CHD6: variants seen among roughly 807,000 people sequenced by gnomAD.
The protein encoded by CHD6 is chromodomain helicase DNA binding protein 6.
In CHD6, 50 loss-of-function variants were observed where a neutral mutation model predicts 276.9. That is an observed-to-expected ratio of 0.18 (90% CI 0.14 to 0.23). CHD6 has a LOEUF of 0.23. Among genes scored for constraint, CHD6 ranks in the 10% least tolerant of loss-of-function variants. The probability of loss-of-function intolerance (pLI) is 1.00; values close to 1 mark genes in which losing one functional copy is unlikely to be tolerated. For synonymous variants in CHD6, 1,173 were observed against 1,229.3 expected (o/e 0.95, Z 0.96); for missense variants, 2,564 against 3,365.8 (o/e 0.76, Z 5.89).
chr20:41,538,601 T>C (rs1029974153), intron 2 of CHD6, among the ~76,000 whole-genome samples: 2 of 152,246 alleles, frequency 1.3e-5, no homozygotes, highest in Non-Finnish European at 2.9e-5. Flanking sequence ...ACCACAAAAT[T>C]GCACATTTTT....
In CHD6 at chr20:41,420,374, A is replaced by T. The variant is rs2145458605; in HGVS notation, c.6127+134T>A. 3.2e-6 allele frequency: 3 copies of T among 948,480 alleles called. No homozygotes were observed. The East Asian group carries it at 7.3e-5, about 23-fold the overall frequency. 58.8% of individuals were successfully genotyped at this position (948,480 alleles called of 1,614,324 possible). A position where few individuals can be genotyped will look rare whatever the true frequency, so the allele number is the denominator to read the frequency against. On this transcript the variant is annotated intron_variant, in intron 31 of 36. Transcript: ENST00000373233. ...TACTCGAATTTTCAGTCCAAGGCCTATGACCTTTGGTGAGGGTAGGCAGGT... is the reference window on the plus strand; with the variant it reads ...TACTCGAATTTTCAGTCCAAGGCCTTTGACCTTTGGTGAGGGTAGGCAGGT...
intron 18 of CHD6, 85 bp downstream of exon 18, chr20:41,457,179 C>T: frequency 6.7e-7 from 1 of 1,492,182 alleles, no homozygotes. Context: ...GAAAGTGAAC[C>T]CTTAAACAGC....
chr20:41,587,233 T>TA, intron 1 of CHD6, among the ~76,000 whole-genome samples: 1 of 152,222 alleles, frequency 6.6e-6, no homozygotes, highest in Non-Finnish European at 1.5e-5. Context: ...AAAACATACT[T>TA]AGAGAAATAC....
chr20:41,450,099 AT>A (rs2145652692), intron 23 of CHD6, among the ~76,000 whole-genome samples: 1 of 152,316 alleles, frequency 6.6e-6, no homozygotes, highest in Admixed American at 6.5e-5. Context: ...AAGGGAAAGG[AT>A]TATACTTTAT....
At chr20:41,580,158 T>A (rs2045521055) in intron 1 of CHD6, among the ~76,000 whole-genome samples, 1 of 152,194 alleles carries the variant, frequency 6.6e-6, no homozygotes, top group African/African-American at 2.4e-5. Context: ...TGCTATAAAC[T>A]ACTATTTTGA....
chr20:41,611,723 C>A (rs1163116341), intron 1 of CHD6, among the ~76,000 whole-genome samples: 1 of 152,028 alleles, frequency 6.6e-6, no homozygotes, highest in South Asian at 2.1e-4. Context: ...CTGCAACCTC[C>A]GCCTCCCCGG....
intron 10 of CHD6, 28 bp from the exon 11 acceptor site, chr20:41,491,847 G>T: frequency 6.2e-7 from 1 of 1,612,030 alleles, no homozygotes; most frequent in Non-Finnish European, 8.5e-7. Context: ...CAGCATAATA[G>T]ATAGAGAATG....
intron 2 of CHD6, 117 bp from the exon 3 acceptor site, chr20:41,533,687 C>A: frequency 3.3e-6 from 3 of 901,280 alleles, no homozygotes; most frequent in Non-Finnish European, 5.0e-6. Flanking sequence ...TTCCCACTCT[C>A]TGTTAGTTCC....
chr20:41,423,486 T>A lies in CHD6; in HGVS notation c.4555+6A>T. 1 of 1,613,030 alleles carries A rather than the reference T, an allele frequency of 6.2e-7. No homozygotes were observed. The highest frequency in any genetic ancestry group is 8.5e-7 in the Non-Finnish European group (1 of 1,178,982). On this transcript the variant is annotated splice_donor_region_variant and intron_variant, in intron 30 of 36. Transcript: ENST00000373233. ...TCATCTGACAATATACTGATAGTTTTCTCACCGCCATCTTTCCATGTGGGT... is the reference window on the plus strand; with the variant it reads ...TCATCTGACAATATACTGATAGTTTACTCACCGCCATCTTTCCATGTGGGT...
At chr20:41,437,923 C>T (rs571937121) in intron 26 of CHD6, among the ~76,000 whole-genome samples, 2 of 151,986 alleles carry the variant, frequency 1.3e-5, no homozygotes, top group African/African-American at 4.8e-5. Flanking sequence ...CTTTATTCAA[C>T]TGAGACTGCA....
intron 2 of CHD6, among the ~76,000 whole-genome samples, chr20:41,540,265 T>G (rs1254162420): frequency 6.6e-6 from 1 of 152,202 alleles, no homozygotes; most frequent in Non-Finnish European, 1.5e-5. Flanking sequence ...ATTGTACATG[T>G]AAACAGAAAT....
In CHD6 at chr20:41,425,190, T is replaced by C. The variant is rs779440221; in HGVS notation, c.4334A>G (p.Glu1445Gly). ...RTSEMDLINK[E>G]AQKRWTRREQ... ...CACTGGCTTTTACCTCTTTTGGGCT[T>C]CCTTGTTGATGAGGTCCATTTCTGA... is the stretch of plus-strand genomic sequence containing the variant. Residue 1445 changes from glutamate to glycine, a missense_variant, in exon 29 of 37, where the codon GAA (glutamate) becomes GGA (glycine). Around this residue, in one of 7 missense-constraint regions of CHD6, gnomAD observed 515 missense variants for 739.5 expected, o/e 0.70. Transcript: ENST00000373233. The C allele has an allele frequency of 3.7e-6, 6 of 1,614,104 alleles. No individual in the cohort carries two copies. The African/African-American group carries it at 6.7e-5, about 18-fold the overall frequency.
chr20:41,489,625 C>T (rs559610637), intron 12 of CHD6, among the ~76,000 whole-genome samples, 153 bp downstream of exon 12: 5 of 152,280 alleles, frequency 3.3e-5, no homozygotes, highest in African/African-American at 2.4e-5. Flanking sequence ...AACGAGCTAC[C>T]AGGGAGAGCA....
At chr20:41,428,679 G>C (rs1462589338) in intron 27 of CHD6, among the ~76,000 whole-genome samples, 1 of 152,156 alleles carries the variant, frequency 6.6e-6, no homozygotes, top group Non-Finnish European at 1.5e-5. Flanking sequence ...ACTTCAGGTG[G>C]AAAGCAGATA....
intron 33 of CHD6, among the ~76,000 whole-genome samples, chr20:41,416,263 CCCT>C: frequency 6.6e-6 from 1 of 152,234 alleles, no homozygotes; most frequent in South Asian, 2.1e-4. Context: ...GCCAGTTCCC[CCCT>C]ATCTTTGTAT....
intron 17 of CHD6, among the ~76,000 whole-genome samples, chr20:41,458,066 T>G (rs1041702310): frequency 6.6e-6 from 1 of 152,188 alleles, no homozygotes; most frequent in Non-Finnish European, 1.5e-5. Flanking sequence ...AACAGGTACC[T>G]TTATTTCCTG....
chr20:41,562,806 A>C (rs1417696015), intron 1 of CHD6, among the ~76,000 whole-genome samples: 1 of 151,972 alleles, frequency 6.6e-6, no homozygotes, highest in African/African-American at 2.4e-5. Flanking sequence ...TAAATTAGTA[A>C]ATATACTAAT....
At chr20:41,581,654 G>A (rs1372043828) in intron 1 of CHD6, among the ~76,000 whole-genome samples, 1 of 145,556 alleles carries the variant, frequency 6.9e-6, no homozygotes, top group Non-Finnish European at 1.5e-5. Flanking sequence ...CCAGCCTGAC[G>A]ACAGAGCGAG....
rs202188667 is a variant in CHD6 at position 41,420,931 on chromosome 20, T to C, written c.5704A>G (p.Arg1902Gly). 6.2e-7 allele frequency: 1 copy of C among 1,614,184 alleles called. No homozygotes were observed. The highest frequency in any genetic ancestry group is 2.2e-5 in the East Asian group (1 of 44,882). ...HLTEPTTNIS[R>G]EKNQGFQDET... ...TCTTGGAAGCCTTGGTTCTTTTCCC[T>C]TGAGATGTTAGTAGTGGGCTCCGTG... The change falls in exon 31 of 37, where the codon AGG becomes GGG. Residue 1902 changes from arginine to glycine, a missense_variant. Coordinates refer to ENST00000373233, the MANE Select transcript of CHD6 (RefSeq NM_032221.5).
Sources: allele counts gnomAD v4.1 joint callset (sites outside exome capture counted in the v4.1 genomes callset), GRCh38; gene constraint gnomAD v4.1.1; regional missense constraint gnomAD v4.1.1; transcripts MANE v1.5; gene names NCBI Gene and HGNC (gene_info 2026-07-23, HGNC 2026-07-21).